TTLL5: variants seen among roughly 807,000 people sequenced by gnomAD.
The protein encoded by TTLL5 is tubulin polyglutamylase TTLL5.
Under a neutral mutation model 168.4 loss-of-function variants are expected in TTLL5, and 132 were observed. The observed-to-expected ratio is 0.78, with a 90% CI of 0.68 to 0.91. The LOEUF is 0.91. Among genes scored for constraint, TTLL5 ranks in the 40% least tolerant of loss-of-function variants. TTLL5 has a pLI of 0.00. For synonymous variants in TTLL5, 546 were observed against 558.6 expected, an observed-to-expected ratio of 0.98 and a Z score of 0.32; for missense variants, 1,545 against 1,581.5, an observed-to-expected ratio of 0.98 and a Z score of 0.39.
chr14:75,789,216 A>C (rs1892552972), intron 26 of TTLL5, among the ~76,000 whole-genome samples: 1 of 152,210 alleles, frequency 6.6e-6, no homozygotes, highest in Non-Finnish European at 1.5e-5. Context: ...CCTTCTGTCC[A>C]GTGTTTTACT....
chr14:75,904,406 A>C (rs1379277137), intron 31 of TTLL5, among the ~76,000 whole-genome samples: 2 of 152,134 alleles, frequency 1.3e-5, no homozygotes, highest in Non-Finnish European at 2.9e-5. Context: ...GGAGAAGTTC[A>C]CAAACCCAAG....
intron 12 of TTLL5, chr14:75,727,943 G>A: frequency 4.7e-6 from 2 of 425,246 alleles, no homozygotes; most frequent in Non-Finnish European, 9.4e-6. Context: ...TGACAGGCAT[G>A]TGGGTTACAT....
Position 75,668,270 on chromosome 14 carries a change from C to T in TTLL5, c.75-1146C>T, listed in dbSNP as rs564674596. 7.9e-5 allele frequency among the ~76,000 whole-genome samples: 12 copies of T among 152,206 alleles called. No individual in the cohort carries two copies. The East Asian group carries it at 2.1e-3, about 27-fold the overall frequency. ...CAATATATACAACTTTGCTGAAATG[C>T]GATTAGGGAGGCAAACAGTAGAAAG... is the stretch of plus-strand genomic sequence containing the variant. On this transcript the variant is annotated intron_variant, in intron 2 of 31. Coordinates refer to ENST00000298832, the MANE Select transcript of TTLL5 (RefSeq NM_015072.5).
rs371336627 is a variant in TTLL5 at position 75,717,848 on chromosome 14, T to G, written c.741-13T>G. The G allele has an allele frequency of 1.2e-6, 2 of 1,611,816 alleles. No individual in the cohort carries two copies. Among genetic ancestry groups the G allele is most frequent in the African/African-American group, 2.7e-5 (2 of 74,856 alleles). On this transcript the variant is annotated splice_polypyrimidine_tract_variant and intron_variant, in intron 9 of 31. Transcript: ENST00000298832. ...CTCTGTTCCTGGCATTTAACCTGTT[T>G]CCCTTCTATCAGGTTTGCAACTGTG...
intron 27 of TTLL5, among the ~76,000 whole-genome samples, chr14:75,798,387 AT>A (rs1002064408): frequency 2.4e-4 from 33 of 136,260 alleles, no homozygotes; most frequent in African/African-American, 8.4e-4. Flanking sequence ...TTGTTTATTT[AT>A]TTTTTTTTCA....
At chr14:75,669,599 A>G (rs1883557460) in intron 3 of TTLL5, 77 bp downstream of exon 3, 1 of 1,250,372 alleles carries the variant, frequency 8.0e-7, no homozygotes, top group Non-Finnish European at 1.1e-6. Context: ...TTGATATGAC[A>G]TATATATAGG....
intron 3 of TTLL5, among the ~76,000 whole-genome samples, chr14:75,673,636 G>A (rs1883914250): frequency 6.6e-6 from 1 of 152,198 alleles, no homozygotes; most frequent in Non-Finnish European, 1.5e-5. Context: ...GATTACATGA[G>A]CTCATTTAAT....
At chr14:75,804,239 C>G (rs1296478556) in intron 27 of TTLL5, among the ~76,000 whole-genome samples, 4 of 152,208 alleles carry the variant, frequency 2.6e-5, no homozygotes, top group Admixed American at 2.6e-4. Context: ...CTGAGACTTC[C>G]CTGCCTGGTC....
At chr14:75,944,398 C>T (rs2140202990) in intron 31 of TTLL5, among the ~76,000 whole-genome samples, 1 of 152,280 alleles carries the variant, frequency 6.6e-6, no homozygotes, top group Middle Eastern at 3.4e-3. Flanking sequence ...CAAACAGAGG[C>T]ACAATCTTGC....
intron 29 of TTLL5, among the ~76,000 whole-genome samples, chr14:75,869,013 A>AGTGTGTGTGTGTGTGTGTGTGTGTGT (rs3138589): frequency 2.4e-5 from 3 of 124,418 alleles, no homozygotes; most frequent in African/African-American, 9.2e-5. Context: ...AGAGGGGAGG[A>AGTGTGTGTGTGTGTGTGTGTGTGTGT]GTGTGTGTGT....
At position 75,766,388 on chromosome 14, in the gene TTLL5, A is replaced by G. The variant is rs747534524; in HGVS notation, c.2015+20A>G. On this transcript the variant is annotated intron_variant, in intron 20 of 31. Transcript: ENST00000298832. ...TCTTAGGTATGTATCTTTTATAATTATATTAGTAAAACTGATAACAGCTAA... is the reference window on the plus strand; with the variant it reads ...TCTTAGGTATGTATCTTTTATAATTGTATTAGTAAAACTGATAACAGCTAA... 1.7e-5 allele frequency: 27 copies of G among 1,580,142 alleles called. No individual in the cohort carries two copies. The Middle Eastern group carries it at 7.4e-4, about 43-fold the overall frequency.
chr14:75,787,065 A>T (rs1162391058), intron 26 of TTLL5, among the ~76,000 whole-genome samples: 1 of 152,052 alleles, frequency 6.6e-6, no homozygotes, highest in Non-Finnish European at 1.5e-5. Context: ...CCCGGGAGGC[A>T]GAGGTTGAAG....
In TTLL5 at chr14:75,902,207, C is replaced by T. The variant is rs1390428089; in HGVS notation, c.3806C>T (p.Pro1269Leu). 16 of 1,614,026 alleles carry T rather than the reference C, an allele frequency of 9.9e-6. No homozygotes were observed. The highest frequency in any genetic ancestry group is 5.5e-5 in the South Asian group (5 of 91,090). ...AGCCTTAACCCTGCAGCCTTTGTGC[C>T]CATCACCAGCTCTACAGGTTAGTGG... Reference protein sequence around the residue: ...QSSLNPAAFVPITSSTDPAHT... With the variant: ...QSSLNPAAFVLITSSTDPAHT... Residue 1269 changes from proline to leucine, a missense_variant, in exon 31 of 32, where the codon CCC (proline) becomes CTC (leucine). Transcript: ENST00000298832.
chr14:75,912,068 T>TC (rs5809737), intron 31 of TTLL5, among the ~76,000 whole-genome samples: 126,367 of 152,170 alleles, frequency 0.83, 52,590 homozygotes, highest in Admixed American at 0.88. Context: ...GGTTAGCCCA[T>TC]CCCGTGGCCA....
At chr14:75,683,417 C>T (rs1362905558) in intron 4 of TTLL5, 133 bp from the exon 5 acceptor site, 2 of 656,842 alleles carry the variant, frequency 3.0e-6, no homozygotes, top group Non-Finnish European at 5.4e-6. Flanking sequence ...ACTAGGCTCA[C>T]GTACTAATTG....
chr14:75,786,707 G>T (rs1054067342), intron 26 of TTLL5, among the ~76,000 whole-genome samples: 1 of 152,016 alleles, frequency 6.6e-6, no homozygotes, highest in African/African-American at 2.4e-5. Context: ...AATTTCAAAG[G>T]TCATCACTAA....
At chr14:75,894,524 C>T (rs1231904703) in intron 30 of TTLL5, among the ~76,000 whole-genome samples, 1 of 152,140 alleles carries the variant, frequency 6.6e-6, no homozygotes, top group East Asian at 1.9e-4. Flanking sequence ...CACTGCACTT[C>T]AGCCTGGGCG....
At chr14:75,699,744 C>A (rs913721808) in intron 7 of TTLL5, among the ~76,000 whole-genome samples, 25 of 152,106 alleles carry the variant, frequency 1.6e-4, no homozygotes, top group African/African-American at 5.8e-4. Context: ...TTTCCTCTTT[C>A]TGCCCTTCTT....
At chr14:75,917,957 G>A (rs1163129490) in intron 31 of TTLL5, among the ~76,000 whole-genome samples, 1 of 152,166 alleles carries the variant, frequency 6.6e-6, no homozygotes, top group East Asian at 1.9e-4. Flanking sequence ...GAGACAGGAG[G>A]TCCAGGGCTA....
Sources: gnomAD v4.1 joint callset for allele counts (sites outside exome capture counted in the v4.1 genomes callset) on GRCh38, gnomAD v4.1.1 for gene constraint, MANE v1.5 for transcripts, NCBI Gene and HGNC (gene_info 2026-07-23, HGNC 2026-07-21) for gene names.